SP2: variants seen among roughly 807,000 people sequenced by gnomAD.
SP2 encodes the protein transcription factor Sp2.
Under a neutral mutation model 50.1 loss-of-function variants are expected in SP2, and 9 were observed. That is an observed-to-expected ratio of 0.18 (90% CI 0.11 to 0.31). The LOEUF is 0.31. Ranked by LOEUF, SP2 falls within the 10% of genes least tolerant of loss-of-function variation. SP2 has a pLI of 1.00. For synonymous variants in SP2, 313 were observed against 326.6 expected (o/e 0.96, Z 0.45); for missense variants, 581 against 806.5 (o/e 0.72, Z 3.39).
intron 1 of SP2, among the ~76,000 whole-genome samples, chr17:47,906,738 TG>T (rs1224713118): frequency 1.3e-5 from 2 of 152,100 alleles, no homozygotes; most frequent in African/African-American, 4.8e-5. Flanking sequence ...GGACAAAGAA[TG>T]GGCAAAGCTG....
At chr17:47,922,130 A>G (rs897791131) in intron 3 of SP2, among the ~76,000 whole-genome samples, 1 of 151,916 alleles carries the variant, frequency 6.6e-6, no homozygotes, top group Non-Finnish European at 1.5e-5. Flanking sequence ...CCTCACTCCT[A>G]TTATCCTTAA....
chr17:47,918,224 T>G (rs2035293030), intron 3 of SP2, among the ~76,000 whole-genome samples: 1 of 152,170 alleles, frequency 6.6e-6, no homozygotes, highest in Non-Finnish European at 1.5e-5. Context: ...TGTAATTTCC[T>G]GGGTGGAGAA....
At chr17:47,897,178 A>G (rs1046681129) in intron 1 of SP2, among the ~76,000 whole-genome samples, 61 of 152,246 alleles carry the variant, frequency 4.0e-4, no homozygotes, top group African/African-American at 1.4e-3. Flanking sequence ...CCCATTGCTG[A>G]CTTACGGTTT....
At chr17:47,931,200 G>A (rs561763140), downstream of SP2, among the ~76,000 whole-genome samples, 2 of 152,150 alleles carry the variant, frequency 1.3e-5, no homozygotes, top group East Asian at 3.9e-4. Context: ...ATAATTAGCC[G>A]GGCGTGGTGG....
intron 4 of SP2, 40 bp downstream of exon 4, chr17:47,923,314 C>A: frequency 6.5e-7 from 1 of 1,527,446 alleles, no homozygotes; most frequent in Non-Finnish European, 8.9e-7. Flanking sequence ...GGCAGTGGTA[C>A]CTGCTCCTAG....
chr17:47,916,032 C>A lies in SP2; in HGVS notation c.85-124C>A. 1 of 1,175,106 alleles carries A rather than the reference C, an allele frequency of 8.5e-7. No individual in the cohort carries two copies. Among genetic ancestry groups the A allele is most frequent in the Non-Finnish European group, 1.2e-6 (1 of 835,196 alleles). The allele number at this position is 1,175,106 out of a possible 1,614,324, so 72.8% of individuals were successfully genotyped here. On this transcript the variant is annotated intron_variant, in intron 2 of 6. Coordinates refer to ENST00000376741, the MANE Select transcript of SP2 (RefSeq NM_003110.6). This position sits in a 1 kb window ranked among gnomAD's most constrained non-coding sequence, Gnocchi z 4.7. ...GCCAAGCAGGGGAGGGTACTGGCAA[C>A]ATGCCTGCCCCGGAGGTGGGGAAGA...
chr17:47,903,689 C>T (rs1449900469), intron 1 of SP2, among the ~76,000 whole-genome samples: 4 of 151,694 alleles, frequency 2.6e-5, no homozygotes, highest in South Asian at 2.1e-4. Flanking sequence ...ATGGCCGGCG[C>T]GGTGGCTCAC....
chr17:47,896,262 G>A lies in SP2; in HGVS notation c.-25G>A, dbSNP rs1567684482. ...GGCTCTCGGTGGCGGCGGAGGCGGC[G>A]GAGGCCAGGGAGGAAGATGTCGTAA... is the stretch of plus-strand genomic sequence containing the variant. On this transcript the variant is annotated 5_prime_UTR_variant, in exon 1 of 7. Coordinates refer to ENST00000376741, the MANE Select transcript of SP2 (RefSeq NM_003110.6). 1 of 1,236,142 alleles carries A rather than the reference G, an allele frequency of 8.1e-7. No homozygotes were observed. The highest frequency in any genetic ancestry group is 3.2e-5 in the East Asian group (1 of 31,492). 76.6% of individuals were successfully genotyped at this position (1,236,142 alleles called of 1,614,324 possible).
downstream of SP2, chr17:47,929,640 T>A (rs1402099219): frequency 6.6e-6 from 1 of 152,654 alleles, no homozygotes; most frequent in Non-Finnish European, 1.5e-5. Context: ...TTGGTGGGGA[T>A]TTGTTTTGCT....
At chr17:47,908,963 G>A (rs185477912) in intron 1 of SP2, among the ~76,000 whole-genome samples, 22 of 152,290 alleles carry the variant, frequency 1.4e-4, no homozygotes, top group African/African-American at 5.1e-4. Flanking sequence ...TCCAGAGAAG[G>A]GAGAACATAG....
At chr17:47,915,577 G>A (rs1443936982) in intron 2 of SP2, among the ~76,000 whole-genome samples, 189 bp downstream of exon 2, 1 of 152,122 alleles carries the variant, frequency 6.6e-6, no homozygotes, top group Non-Finnish European at 1.5e-5. Context: ...GGGCCAGGGG[G>A]AAAAACAAGG....
intron 4 of SP2, among the ~76,000 whole-genome samples, chr17:47,923,883 G>A (rs543870547): frequency 9.9e-5 from 15 of 152,060 alleles, no homozygotes; most frequent in African/African-American, 2.7e-4. Context: ...TGTATTTTTC[G>A]TAGAGATGGG....
chr17:47,902,081 C>T (rs1206758616), intron 1 of SP2, among the ~76,000 whole-genome samples: 3 of 151,964 alleles, frequency 2.0e-5, no homozygotes, highest in Non-Finnish European at 4.4e-5. Context: ...GGGAAGGTCT[C>T]AATGATAAGG....
chr17:47,921,440 C>T (rs893092418), intron 3 of SP2, among the ~76,000 whole-genome samples: 7 of 151,914 alleles, frequency 4.6e-5, no homozygotes, highest in African/African-American at 9.7e-5. Context: ...TCAGTAGAGA[C>T]GGGGTTTCAC....
chr17:47,909,598 G>A (rs2034900616), intron 1 of SP2: 1 of 505,468 alleles, frequency 2.0e-6, no homozygotes, highest in African/African-American at 2.1e-5. Flanking sequence ...AACCCTCGAT[G>A]CAGTGATATA....
chr17:47,909,012 C>G (rs934963410), intron 1 of SP2, among the ~76,000 whole-genome samples: 20 of 152,186 alleles, frequency 1.3e-4, no homozygotes, highest in African/African-American at 4.8e-4. Context: ...TTTCAAAGTT[C>G]TCTCTTGTGT....
At chr17:47,925,816 C>G (rs2035621958) in intron 6 of SP2, among the ~76,000 whole-genome samples, 1 of 150,470 alleles carries the variant, frequency 6.6e-6, no homozygotes, top group African/African-American at 2.4e-5. Context: ...CAAACACTGA[C>G]ATGGTATGCC....
At chr17:47,922,775 G>A (rs1206842111) in intron 3 of SP2, among the ~76,000 whole-genome samples, 187 bp from the exon 4 acceptor site, 2 of 152,078 alleles carry the variant, frequency 1.3e-5, no homozygotes, top group Non-Finnish European at 2.9e-5. Flanking sequence ...GTCAACATTC[G>A]CCAGCTTAGT....
chr17:47,924,165 C>T (rs549662433), intron 4 of SP2, among the ~76,000 whole-genome samples: 1 of 151,778 alleles, frequency 6.6e-6, no homozygotes, highest in East Asian at 1.9e-4. Context: ...GGCCTCAGGG[C>T]CTCGCTCTGT....
Sources: gnomAD v4.1 joint callset for allele counts (sites outside exome capture counted in the v4.1 genomes callset) on GRCh38, gnomAD v4.1.1 for gene constraint, Gnocchi (gnomAD v3.1) non-coding constraint, MANE v1.5 for transcripts, NCBI Gene and HGNC (gene_info 2026-07-23, HGNC 2026-07-21) for gene names.